Variants in QKI observed in about 807,000 individuals in gnomAD.
The protein encoded by QKI is KH domain-containing RNA-binding protein QKI.
QKI carries 10 observed loss-of-function variants against 39.0 expected under a neutral mutation model. The observed-to-expected ratio is 0.26, with a 90% CI of 0.16 to 0.43. QKI has a LOEUF of 0.43. Ranked by LOEUF, QKI falls within the 20% of genes least tolerant of loss-of-function variation. The probability of loss-of-function intolerance (pLI) is 1.00; values close to 1 mark genes in which losing one functional copy is unlikely to be tolerated. For missense variants in QKI, 218 were observed against 428.0 expected, an observed-to-expected ratio of 0.51 and a Z score of 4.33; for synonymous variants, 204 against 155.4, an observed-to-expected ratio of 1.31 and a Z score of -2.33.
intron 3 of QKI, among the ~76,000 whole-genome samples, chr6:163,491,066 G>C (rs1453733464): frequency 6.6e-6 from 1 of 152,074 alleles, no homozygotes; most frequent in African/African-American, 2.4e-5. Flanking sequence ...ATATGGTGTT[G>C]AATTCAACTT....
chr6:163,561,939 G>A, intron 4 of QKI, 43 bp from the exon 5 acceptor site: 2 of 1,441,616 alleles, frequency 1.4e-6, no homozygotes, highest in Non-Finnish European at 1.9e-6. Flanking sequence ...TATATTTGTG[G>A]ACAGTCTCAA....
chr6:163,498,002 T>A (rs1778515781), intron 3 of QKI, among the ~76,000 whole-genome samples: 1 of 152,098 alleles, frequency 6.6e-6, no homozygotes, highest in South Asian at 2.1e-4. Flanking sequence ...AAAATTAAAA[T>A]ACTACTTTAA....
rs562791913 is a variant in QKI at position 163,548,868 on chromosome 6, T to C, written c.547-13114T>C. Among the ~76,000 whole-genome samples, 4 of 152,270 alleles carry C rather than the reference T, an allele frequency of 2.6e-5. No homozygotes were observed. In the East Asian group the frequency reaches 7.7e-4, roughly 29 times the overall value. ...GAGACCCGGAAGGTGACAGTTGAGT[T>C]AGAACTGGGCAAAATAAGCAGTTAT... On this transcript the variant is annotated intron_variant, in intron 4 of 7. Transcript: ENST00000361752.
At chr6:163,490,768 G>A (rs187052202) in intron 3 of QKI, among the ~76,000 whole-genome samples, 1 of 152,164 alleles carries the variant, frequency 6.6e-6, no homozygotes, top group Non-Finnish European at 1.5e-5. Flanking sequence ...AAGGTAACTT[G>A]ACAGTAGTGG....
intron 3 of QKI, among the ~76,000 whole-genome samples, chr6:163,514,316 C>T (rs1416655004): frequency 6.6e-6 from 1 of 151,996 alleles, no homozygotes; most frequent in African/African-American, 2.4e-5. Flanking sequence ...TTTAAAAAAT[C>T]ATGGAAAATG....
rs957041935 is a variant in QKI, at chr6:163,571,081, G to A, written c.*371G>A. ...TGGTCCTTAACTACTCAATGACAGA[G>A]GCAGTTACTGTGAGAGACTTCTAGG... On this transcript the variant is annotated 3_prime_UTR_variant, in exon 8 of 8. Coordinates refer to ENST00000361752, the MANE Select transcript of QKI (RefSeq NM_006775.3). The A allele has an allele frequency of 4.7e-5, 8 of 171,186 alleles. No homozygotes were observed. The highest frequency in any genetic ancestry group is 7.4e-5 in the Non-Finnish European group (6 of 81,016). 10.6% of individuals were successfully genotyped at this position (171,186 alleles called of 1,614,324 possible).
chr6:163,492,884 A>G (rs1303419571), intron 3 of QKI, among the ~76,000 whole-genome samples: 4 of 152,196 alleles, frequency 2.6e-5, no homozygotes, highest in Non-Finnish European at 5.9e-5. Context: ...GTACTTTAAA[A>G]GGAGTCAAAA....
chr6:163,548,618 G>C lies in QKI; in HGVS notation c.547-13364G>C, dbSNP rs1378539845. On this transcript the variant is annotated intron_variant, in intron 4 of 7. Coordinates refer to ENST00000361752, the MANE Select transcript of QKI (RefSeq NM_006775.3). ...AATAGAACATGGTCAGTTTGGTAAG[G>C]AACTGAAAGAAGGTATGTGTGACCA... 2.6e-5 allele frequency among the ~76,000 whole-genome samples: 4 copies of C among 152,188 alleles called. No homozygotes were observed. The South Asian group carries it at 8.3e-4, about 32-fold the overall frequency.
rs1455598681 is a variant in QKI at position 163,423,808 on chromosome 6, TTGC to T, written c.142+8478_142+8480del. ...AGTTTTTTGAATAATGTAAAAATTG[TTGC>T]TGCTATTATTTTTACTACTCAAGAG... On this transcript the variant is annotated intron_variant, in intron 1 of 7. Coordinates refer to ENST00000361752, the MANE Select transcript of QKI (RefSeq NM_006775.3). 2.6e-5 allele frequency among the ~76,000 whole-genome samples: 4 copies of T among 152,356 alleles called. No individual in the cohort carries two copies. In the East Asian group the frequency reaches 7.7e-4, roughly 29 times the overall value.
Position 163,576,865 on chromosome 6 carries a change from A to G in QKI, c.*6155A>G, listed in dbSNP as rs1784001954. On this transcript the variant is annotated 3_prime_UTR_variant, in exon 8 of 8. Coordinates refer to ENST00000361752, the MANE Select transcript of QKI (RefSeq NM_006775.3). ...GTTATTATAACATTAGAAAATGAGCATAACATTCACTCTGATTTTAGCCAT... is the reference window on the plus strand; with the variant it reads ...GTTATTATAACATTAGAAAATGAGCGTAACATTCACTCTGATTTTAGCCAT... 3 of 152,258 alleles carry G rather than the reference A, an allele frequency of 2.0e-5. No homozygotes were observed. The highest frequency in any genetic ancestry group is 2.9e-5 in the Non-Finnish European group (2 of 68,044). 9.4% of individuals were successfully genotyped at this position (152,258 alleles called of 1,614,324 possible). A position where few individuals can be genotyped will look rare whatever the true frequency, so the allele number is the denominator to read the frequency against.
intron 1 of QKI, among the ~76,000 whole-genome samples, chr6:163,418,381 T>G (rs903404396): frequency 2.6e-5 from 4 of 152,134 alleles, no homozygotes; most frequent in Admixed American, 6.5e-5. Flanking sequence ...TGATGAAGAC[T>G]TGGATGTTTT....
intron 2 of QKI, among the ~76,000 whole-genome samples, chr6:163,464,905 T>C (rs1388090588): frequency 6.6e-6 from 1 of 152,144 alleles, no homozygotes; most frequent in Non-Finnish European, 1.5e-5. Context: ...CAGGCCAATA[T>C]CCTTGATGAA....
chr6:163,479,161 C>A (rs529828568), intron 3 of QKI, among the ~76,000 whole-genome samples: 2 of 150,794 alleles, frequency 1.3e-5, no homozygotes, highest in Admixed American at 1.3e-4. Context: ...TGGTGGCGGG[C>A]GCCTGTAATC....
chr6:163,503,638 T>G (rs1190035866), intron 3 of QKI, among the ~76,000 whole-genome samples: 1 of 152,196 alleles, frequency 6.6e-6, no homozygotes, highest in Non-Finnish European at 1.5e-5. Flanking sequence ...ATAAATTCTT[T>G]CCCAAGGCTG....
intron 4 of QKI, among the ~76,000 whole-genome samples, chr6:163,543,677 G>A (rs1422327028): frequency 1.3e-5 from 2 of 151,998 alleles, no homozygotes; most frequent in Non-Finnish European, 2.9e-5. Context: ...CTCTCATATA[G>A]GCAAAACTGT....
intron 4 of QKI, among the ~76,000 whole-genome samples, chr6:163,558,450 A>G (rs757878378): frequency 5.9e-5 from 8 of 135,412 alleles, no homozygotes; most frequent in Non-Finnish European, 9.2e-5. Flanking sequence ...CCTAGGCTGG[A>G]GTGCAACGGC....
chr6:163,422,285 G>A (rs909922122), intron 1 of QKI, among the ~76,000 whole-genome samples: 1 of 152,162 alleles, frequency 6.6e-6, no homozygotes, highest in South Asian at 2.1e-4. Flanking sequence ...TGTTCATAAA[G>A]TTGCTTCATG....
At chr6:163,450,575 CAG>C (rs148525940) in intron 1 of QKI, among the ~76,000 whole-genome samples, 3,185 of 152,082 alleles carry the variant, frequency 0.021, 103 homozygotes, top group African/African-American at 0.073. Flanking sequence ...TCACATAAAA[CAG>C]AACTGTGCAG....
intron 3 of QKI, among the ~76,000 whole-genome samples, chr6:163,486,478 C>T (rs143800992): frequency 9.3e-4 from 141 of 152,218 alleles, no homozygotes; most frequent in African/African-American, 3.2e-3. Flanking sequence ...TTTTGCAGGA[C>T]TTGTTTAGGT....
Sources: gnomAD v4.1 joint callset for allele counts (sites outside exome capture counted in the v4.1 genomes callset) on GRCh38, gnomAD v4.1.1 for gene constraint, MANE v1.5 for transcripts, NCBI Gene and HGNC (gene_info 2026-07-23, HGNC 2026-07-21) for gene names.